FIBCD1: variants seen among roughly 807,000 people sequenced by gnomAD.
The protein encoded by FIBCD1 is fibrinogen C domain-containing protein 1.
A neutral mutation model predicts 45.1 loss-of-function variants in FIBCD1; 47 were observed. That is an observed-to-expected ratio of 1.04 (90% CI 0.82 to 1.33). The LOEUF (loss-of-function observed/expected upper bound fraction) is 1.33. Among genes scored for constraint, FIBCD1 ranks in the 40% most tolerant of loss-of-function variants. The pLI is 0.00. For missense variants in FIBCD1, 653 were observed against 682.2 expected, an observed-to-expected ratio of 0.96 and a Z score of 0.48; for synonymous variants, 313 against 308.1, an observed-to-expected ratio of 1.02 and a Z score of -0.17.
rs930063337 is a variant in FIBCD1 at position 130,923,619 on chromosome 9, A to G, written c.849+125T>C. 2.8e-6 allele frequency: 4 copies of G among 1,406,312 alleles called. No individual in the cohort carries two copies. In the East Asian group the frequency reaches 1.0e-4, roughly 35 times the overall value. The allele number at this position is 1,406,312 out of a possible 1,614,324, so 87.1% of individuals were successfully genotyped here. A position where few individuals can be genotyped will look rare whatever the true frequency, so the allele number is the denominator to read the frequency against. ...AGGCCAGGCAGAAGGGCACCAGGGC[A>G]GGGCCAGTCCACAGATCCATGGTGG... On this transcript the variant is annotated intron_variant, in intron 4 of 6. Transcript: ENST00000372338.
At chr9:130,912,434 C>T (rs117450532) in intron 4 of FIBCD1, among the ~76,000 whole-genome samples, 8,382 of 144,546 alleles carry the variant, frequency 0.058, 283 homozygotes, top group Middle Eastern at 0.16. Flanking sequence ...GGGCCGGGCA[C>T]GGTGACTCCC....
chr9:130,912,392 C>CAAAAAA (rs61490832), intron 4 of FIBCD1, among the ~76,000 whole-genome samples: 2 of 75,716 alleles, frequency 2.6e-5, no homozygotes, highest in African/African-American at 1.2e-4. Context: ...GGCTCTCTCT[C>CAAAAAA]AAAAAAAAAA....
At chr9:130,933,208 G>A (rs953138794) in intron 1 of FIBCD1, among the ~76,000 whole-genome samples, 1 of 152,238 alleles carries the variant, frequency 6.6e-6, no homozygotes, top group South Asian at 2.1e-4. Context: ...TAAAGATGAA[G>A]TACTGTTCGC....
intron 5 of FIBCD1, among the ~76,000 whole-genome samples, chr9:130,911,242 C>T (rs1411449069): frequency 1.3e-5 from 2 of 152,174 alleles, no homozygotes; most frequent in African/African-American, 4.8e-5. Flanking sequence ...CATATCCGAA[C>T]ATCAGAAGAA....
rs988991049 is a variant in FIBCD1 at position 130,922,155 on chromosome 9, A to G, written c.849+1589T>C. ...TTGTCTGATGTTAAGCCCTTCCCCCAGATGTTTGTGGGCCTGGACATCAAT... is the reference window on the plus strand; with the variant it reads ...TTGTCTGATGTTAAGCCCTTCCCCCGGATGTTTGTGGGCCTGGACATCAAT... On this transcript the variant is annotated intron_variant, in intron 4 of 6. Transcript: ENST00000372338. The surrounding 1 kb of genome is among the most constrained non-coding windows in gnomAD (Gnocchi z 4.5). Among the ~76,000 whole-genome samples, 6 of 152,118 alleles carry G rather than the reference A, an allele frequency of 3.9e-5. No homozygotes were observed. The highest frequency in any genetic ancestry group is 1.5e-5 in the Non-Finnish European group (1 of 68,024).
rs1443593441 is a variant in FIBCD1, at chr9:130,929,610, T to C, written c.509A>G (p.Gln170Arg). The C allele has an allele frequency of 1.3e-6, 2 of 1,528,736 alleles. No individual in the cohort carries two copies. The highest frequency in any genetic ancestry group is 1.4e-5 in the African/African-American group (1 of 72,056). 94.7% of individuals were successfully genotyped at this position (1,528,736 alleles called of 1,614,324 possible). A position where few individuals can be genotyped will look rare whatever the true frequency, so the allele number is the denominator to read the frequency against. ...CTCACTCTGCAGGGCGCTGAGGCCC[T>C]GGCCCAGCGTGCCATGCCCCTTCCG... ...GLRKGHGTLG[Q>R]GLSALQSEQG... is the part of the protein sequence containing the mutation. Residue 170 changes from glutamine (Q) to arginine (R), a missense_variant, in exon 2 of 7, where the codon CAG becomes CGG. By Grantham distance (43) the Gln-to-Arg change is conservative. Transcript: ENST00000372338.
chr9:130,912,442 C>G (rs1393393073), intron 4 of FIBCD1, among the ~76,000 whole-genome samples: 1 of 150,156 alleles, frequency 6.7e-6, no homozygotes, highest in African/African-American at 2.5e-5. Flanking sequence ...CACGGTGACT[C>G]CCGCCTGTAA....
chr9:130,909,680 T>C (rs902681028), intron 5 of FIBCD1, among the ~76,000 whole-genome samples: 6 of 152,154 alleles, frequency 3.9e-5, no homozygotes, highest in Non-Finnish European at 7.4e-5. Flanking sequence ...GTGATTCTTT[T>C]AGGATGTTTT....
At position 130,929,924 on chromosome 9, in the gene FIBCD1, T is replaced by TG; in HGVS notation, c.194dup (p.Pro66ThrfsTer30). The TG allele has an allele frequency of 6.5e-7, 1 of 1,548,842 alleles. No individual in the cohort carries two copies. Among genetic ancestry groups the TG allele is most frequent in the Non-Finnish European group, 8.7e-7 (1 of 1,146,264 alleles). ...TGGCAGCCCCAGTGCTGACGACAGG[T>TG]GGGGGCGCCGTGCCCGGCGCGTGGG... On this transcript the variant is annotated frameshift_variant, in exon 2 of 7. Coordinates refer to ENST00000372338, the MANE Select transcript of FIBCD1 (RefSeq NM_032843.5). LOFTEE classifies it high-confidence loss of function.
At chr9:130,923,336 T>G (rs1832293510) in intron 4 of FIBCD1, among the ~76,000 whole-genome samples, 1 of 152,138 alleles carries the variant, frequency 6.6e-6, no homozygotes, top group Non-Finnish European at 1.5e-5. Flanking sequence ...TCCTTTTTCT[T>G]CTGCACACGC....
intron 4 of FIBCD1, among the ~76,000 whole-genome samples, chr9:130,914,192 T>TCCTCTCCC (rs1436548361): frequency 6.6e-6 from 1 of 151,854 alleles, no homozygotes; most frequent in East Asian, 1.9e-4. Context: ...CCTCCTCTGC[T>TCCTCTCCC]CCTCTCCCAG....
intron 5 of FIBCD1, among the ~76,000 whole-genome samples, chr9:130,907,898 C>A (rs1227992379): frequency 5.3e-4 from 42 of 78,616 alleles, no homozygotes; most frequent in Admixed American, 9.3e-4. Flanking sequence ...GACTCTGTCT[C>A]AAAAAAAAAA....
chr9:130,911,124 C>CT lies in FIBCD1; in HGVS notation c.946+667dup, dbSNP rs200385310. Among the ~76,000 whole-genome samples the CT allele has an allele frequency of 8.6e-3, 1,309 of 152,288 alleles. 17 individuals are homozygous for CT. Among genetic ancestry groups the CT allele is most frequent in the African/African-American group, 0.03 (1,243 of 41,550 alleles). ...GCTGTGGAAGCTTTGTTCTTTCACTCTTTGGGTCCACGCTGCTTTTATGAG... is the reference window on the plus strand; with the variant it reads ...GCTGTGGAAGCTTTGTTCTTTCACTCTTTTGGGTCCACGCTGCTTTTATGAG... On this transcript the variant is annotated intron_variant, in intron 5 of 6. Coordinates refer to ENST00000372338, the MANE Select transcript of FIBCD1 (RefSeq NM_032843.5).
At chr9:130,934,384 C>T (rs1832487520) in intron 1 of FIBCD1, among the ~76,000 whole-genome samples, 1 of 152,184 alleles carries the variant, frequency 6.6e-6, no homozygotes, top group South Asian at 2.1e-4. Context: ...GCGGGAACCG[C>T]CATACCGCTG....
intron 5 of FIBCD1, among the ~76,000 whole-genome samples, chr9:130,910,574 T>C (rs759223866): frequency 1.3e-5 from 2 of 152,260 alleles, no homozygotes; most frequent in Non-Finnish European, 2.9e-5. Flanking sequence ...TAGGTGAAGC[T>C]AGCTGGGCTC....
chr9:130,905,173 T>C, intron 6 of FIBCD1, 61 bp downstream of exon 6: 1 of 1,515,196 alleles, frequency 6.6e-7, no homozygotes, highest in Admixed American at 1.8e-5. Context: ...CAGGACCTCC[T>C]CCGTCCTCCA....
At position 130,926,722 on chromosome 9, in the gene FIBCD1, T is replaced by C. The variant is rs1414635593; in HGVS notation, c.553-2326A>G. On this transcript the variant is annotated intron_variant, in intron 2 of 6. Coordinates refer to ENST00000372338, the MANE Select transcript of FIBCD1 (RefSeq NM_032843.5). The surrounding 1 kb of genome is among the most constrained non-coding windows in gnomAD (Gnocchi z 4.1). ...CTGTAGTCCCAGCTACTCAGGAGGCTGAGGCAGGAGAATCGCTTGAACCTG... is the reference window on the plus strand; with the variant it reads ...CTGTAGTCCCAGCTACTCAGGAGGCCGAGGCAGGAGAATCGCTTGAACCTG... Among the ~76,000 whole-genome samples, 3 of 152,136 alleles carry C rather than the reference T, an allele frequency of 2.0e-5. No individual in the cohort carries two copies. The highest frequency in any genetic ancestry group is 3.2e-3 in the Middle Eastern group (1 of 316).
At position 130,926,917 on chromosome 9, in the gene FIBCD1, G is replaced by A. The variant is rs528907753; in HGVS notation, c.553-2521C>T. Among the ~76,000 whole-genome samples, 6 of 152,230 alleles carry A rather than the reference G, an allele frequency of 3.9e-5. No homozygotes were observed. The highest frequency in any genetic ancestry group is 7.2e-5 in the African/African-American group (3 of 41,528). ...GGGGCTGCAAAGTGCCTATTAACGC[G>A]GAGCCCAGCACATGGTATAGGCCTA... On this transcript the variant is annotated intron_variant, in intron 2 of 6. Coordinates refer to ENST00000372338, the MANE Select transcript of FIBCD1 (RefSeq NM_032843.5). This position sits in a 1 kb window ranked among gnomAD's most constrained non-coding sequence, Gnocchi z 4.1.
chr9:130,930,701 C>A, intron 1 of FIBCD1: 2 of 453,474 alleles, frequency 4.4e-6, no homozygotes, highest in Non-Finnish European at 8.9e-6. Context: ...CCCACCTCTG[C>A]AGCCAGACGG....
Sources: allele counts gnomAD v4.1 joint callset (sites outside exome capture counted in the v4.1 genomes callset), GRCh38; gene constraint gnomAD v4.1.1; non-coding constraint Gnocchi (gnomAD v3.1); transcripts MANE v1.5; gene names NCBI Gene and HGNC (gene_info 2026-07-23, HGNC 2026-07-21).